Variants in ERICH1 observed in about 807,000 individuals in gnomAD.
The protein encoded by ERICH1 is glutamate rich 1.
ERICH1 carries 56 observed loss-of-function variants against 39.6 expected under a neutral mutation model. The observed-to-expected ratio is 1.41, with a 90% confidence interval of 1.14 to 1.77. ERICH1 has a LOEUF of 1.77. ERICH1 is among the 40% of genes most tolerant of loss of function. ERICH1 has a pLI of 0.00. For synonymous variants in ERICH1, 313 were observed against 223.6 expected, an observed-to-expected ratio of 1.40 and a Z score of -3.57; for missense variants, 826 against 575.4, an observed-to-expected ratio of 1.44 and a Z score of -4.45.
intron 3 of ERICH1, among the ~76,000 whole-genome samples, chr8:628,427 G>C (rs548561394): frequency 1.3e-5 from 2 of 152,324 alleles, no homozygotes; most frequent in Middle Eastern, 3.4e-3. Flanking sequence ...TGGAGAGCAG[G>C]GCCTCCGCCT....
At chr8:686,967 C>A (rs1279364646) in intron 3 of ERICH1, among the ~76,000 whole-genome samples, 1 of 152,152 alleles carries the variant, frequency 6.6e-6, no homozygotes, top group Non-Finnish European at 1.5e-5. Flanking sequence ...CCATCACCCA[C>A]CCACGAGCCA....
intron 1 of ERICH1, among the ~76,000 whole-genome samples, 154 bp downstream of exon 1, chr8:730,986 G>T (rs369499325): frequency 6.6e-6 from 1 of 152,124 alleles, no homozygotes; most frequent in Non-Finnish European, 1.5e-5. Flanking sequence ...TAAGAGCGGG[G>T]GATGGGTAGG....
At chr8:677,382 G>A (rs566666787) in intron 3 of ERICH1, among the ~76,000 whole-genome samples, 15 of 152,310 alleles carry the variant, frequency 9.8e-5, no homozygotes, top group Admixed American at 9.2e-4. Flanking sequence ...ATTGGTATCC[G>A]TTCTGCACAG....
chr8:656,739 C>G (rs1461398949), intron 3 of ERICH1: 26 of 985,204 alleles, frequency 2.6e-5, no homozygotes, highest in East Asian at 1.1e-4. Context: ...AAGAACATTT[C>G]TACAAGGGGC....
At chr8:653,102 G>A (rs1800178426) in intron 3 of ERICH1, among the ~76,000 whole-genome samples, 1 of 152,196 alleles carries the variant, frequency 6.6e-6, no homozygotes, top group Admixed American at 6.5e-5. Flanking sequence ...CCACTTCTGG[G>A]CATAAACCCC....
chr8:731,120 T>C lies in ERICH1; in HGVS notation c.22+20A>G, dbSNP rs1563391592. The C allele has an allele frequency of 1.3e-6, 2 of 1,506,406 alleles. No homozygotes were observed. Among genetic ancestry groups the C allele is most frequent in the South Asian group, 1.3e-5 (1 of 79,780 alleles). 93.3% of individuals were successfully genotyped at this position (1,506,406 alleles called of 1,614,324 possible). On this transcript the variant is annotated intron_variant, in intron 1 of 5. Coordinates refer to ENST00000262109, the MANE Select transcript of ERICH1 (RefSeq NM_207332.3). ...GCCGGGTCTGGGGTCTGGGCAGGCC[T>C]CCGCACCGCACCCACCTACCGTGCT...
chr8:729,841 T>C (rs919903155), intron 1 of ERICH1, among the ~76,000 whole-genome samples: 2 of 152,110 alleles, frequency 1.3e-5, no homozygotes, highest in African/African-American at 4.8e-5. Context: ...ATTAGGTACA[T>C]TACAGATGCT....
intron 1 of ERICH1, among the ~76,000 whole-genome samples, chr8:716,440 G>T (rs1294183030): frequency 6.6e-6 from 1 of 152,272 alleles, no homozygotes; most frequent in Non-Finnish European, 1.5e-5. Context: ...GAATGGAGCA[G>T]GTCTGGCGGG....
chr8:699,537 C>T (rs545385580), intron 2 of ERICH1, among the ~76,000 whole-genome samples: 2 of 152,310 alleles, frequency 1.3e-5, no homozygotes, highest in African/African-American at 2.4e-5. Flanking sequence ...CTCAGGGTGA[C>T]GGCGACTCAC....
At chr8:637,693 G>C (rs923410336) in intron 3 of ERICH1, 14 of 152,354 alleles carry the variant, frequency 9.2e-5, no homozygotes, top group African/African-American at 2.7e-4. Flanking sequence ...GGGCAACACA[G>C]CCCCACCGTG....
At chr8:631,414 G>A (rs1384302543) in intron 3 of ERICH1, among the ~76,000 whole-genome samples, 2 of 152,322 alleles carry the variant, frequency 1.3e-5, no homozygotes, top group African/African-American at 2.4e-5. Context: ...GGGCAGCCTG[G>A]TCATGCAGGC....
chr8:665,702 A>T (rs555581604), intron 5 of ERICH1, among the ~76,000 whole-genome samples: 2 of 152,342 alleles, frequency 1.3e-5, no homozygotes, highest in East Asian at 3.9e-4. Context: ...CGTGTAATAA[A>T]ACGTCACAGA....
chr8:670,654 G>A (rs1232081928), intron 4 of ERICH1, among the ~76,000 whole-genome samples: 1 of 152,198 alleles, frequency 6.6e-6, no homozygotes, highest in Non-Finnish European at 1.5e-5. Context: ...TTATTCGGAG[G>A]CTCTCTGTGT....
chr8:685,433 T>C (rs541985971), intron 3 of ERICH1, among the ~76,000 whole-genome samples: 1 of 152,186 alleles, frequency 6.6e-6, no homozygotes, highest in Non-Finnish European at 1.5e-5. Flanking sequence ...AACGCAACCA[T>C]CACAGGGTCC....
At chr8:623,909 A>G (rs973342549) in intron 3 of ERICH1, among the ~76,000 whole-genome samples, 1 of 152,266 alleles carries the variant, frequency 6.6e-6, no homozygotes, top group African/African-American at 2.4e-5. Flanking sequence ...AATTGGCTAC[A>G]TTAAAATTAA....
chr8:676,697 A>G (rs1296269137), intron 3 of ERICH1, among the ~76,000 whole-genome samples: 3 of 152,306 alleles, frequency 2.0e-5, no homozygotes, highest in South Asian at 2.1e-4. Context: ...ACTGATGGGT[A>G]AAGTCTATAC....
intron 3 of ERICH1, among the ~76,000 whole-genome samples, chr8:686,074 G>A (rs558181374): frequency 2.0e-4 from 30 of 152,086 alleles, no homozygotes; most frequent in African/African-American, 6.3e-4. Context: ...GCAGGAGGGC[G>A]GCTTAAACCC....
chr8:654,885 G>A (rs560673065), intron 3 of ERICH1, among the ~76,000 whole-genome samples: 20 of 152,208 alleles, frequency 1.3e-4, no homozygotes, highest in East Asian at 1.9e-4. Context: ...AACCTGAGGC[G>A]GGAACACCTG....
At chr8:728,290 C>T (rs960425564) in intron 1 of ERICH1, among the ~76,000 whole-genome samples, 7 of 152,204 alleles carry the variant, frequency 4.6e-5, no homozygotes, top group Non-Finnish European at 7.3e-5. Context: ...GGAGCAAGTC[C>T]TGTATGGCTC....
Sources: gnomAD v4.1 joint callset for allele counts (sites outside exome capture counted in the v4.1 genomes callset) on GRCh38, gnomAD v4.1.1 for gene constraint, MANE v1.5 for transcripts, NCBI Gene and HGNC (gene_info 2026-07-23, HGNC 2026-07-21) for gene names.